PIEZO2: variants seen among roughly 807,000 people sequenced by gnomAD.
PIEZO2 encodes piezo type mechanosensitive ion channel component 2.
Under a neutral mutation model 337.3 loss-of-function variants are expected in PIEZO2, and 172 were observed. The observed-to-expected ratio is 0.51, with a 90% CI of 0.45 to 0.58. PIEZO2 has a LOEUF of 0.58. PIEZO2 is among the 20% of genes least tolerant of loss of function. PIEZO2 has a pLI of 0.00. For synonymous variants in PIEZO2, 1,251 were observed against 1,228.5 expected, an observed-to-expected ratio of 1.02 and a Z score of -0.38; for missense variants, 3,028 against 3,391.3, an observed-to-expected ratio of 0.89 and a Z score of 2.66.
intron 7 of PIEZO2, among the ~76,000 whole-genome samples, chr18:10,818,092 T>C (rs749175652): frequency 7.9e-5 from 12 of 152,046 alleles, no homozygotes; most frequent in Non-Finnish European, 1.6e-4. Flanking sequence ...TACAGATAAA[T>C]AGACTAAATA....
chr18:11,147,665 C>A (rs551925565), intron 1 of PIEZO2, among the ~76,000 whole-genome samples: 1 of 152,194 alleles, frequency 6.6e-6, no homozygotes, highest in Non-Finnish European at 1.5e-5. Context: ...GGCATTCTTA[C>A]GAGAGGAATT....
Position 10,713,580 on chromosome 18 carries a change from C to T in PIEZO2, c.5423+1184G>A, listed in dbSNP as rs575990070. Among the ~76,000 whole-genome samples, 1 of 152,204 alleles carries T rather than the reference C, an allele frequency of 6.6e-6. No homozygotes were observed. The highest frequency in any genetic ancestry group is 1.5e-5 in the Non-Finnish European group (1 of 68,036). On this transcript the variant is annotated intron_variant, in intron 39 of 55. Coordinates refer to ENST00000674853, the MANE Select transcript of PIEZO2 (RefSeq NM_001378183.1). This position sits in a 1 kb window ranked among gnomAD's most constrained non-coding sequence, Gnocchi z 4.5. The stretch of plus-strand genomic sequence containing the variant: ...CTGACCAGCAGTCAGAGACACCAGT[C>T]TCTACTGTCCTCCCCAGGGCAAGCA...
At position 11,035,948 on chromosome 18, in the gene PIEZO2, C is replaced by T. The variant is rs1354728260; in HGVS notation, c.160+30179G>A. Among the ~76,000 whole-genome samples the T allele has an allele frequency of 6.6e-6, 1 of 152,212 alleles. No homozygotes were observed. The highest frequency in any genetic ancestry group is 1.5e-5 in the Non-Finnish European group (1 of 68,046). On this transcript the variant is annotated intron_variant, in intron 2 of 55. Coordinates refer to ENST00000674853, the MANE Select transcript of PIEZO2 (RefSeq NM_001378183.1). The surrounding 1 kb of genome is among the most constrained non-coding windows in gnomAD (Gnocchi z 4.3). ...TGTTTGCTTGTTAGCAAGAAGTCCA[C>T]ACCTGGAACATGCTTGAAGCACAGG...
intron 7 of PIEZO2, among the ~76,000 whole-genome samples, chr18:10,840,695 C>A (rs1294810664): frequency 6.6e-6 from 1 of 152,008 alleles, no homozygotes; most frequent in East Asian, 1.9e-4. Flanking sequence ...GAAATTGAAT[C>A]AATTAAGTCA....
chr18:10,948,813 G>A (rs553929954), intron 3 of PIEZO2, among the ~76,000 whole-genome samples: 4 of 152,158 alleles, frequency 2.6e-5, no homozygotes, highest in Admixed American at 1.3e-4. Context: ...TTTATAATGT[G>A]TGTATGTTAC....
rs1000242661 is a variant in PIEZO2 at position 10,899,114 on chromosome 18, G to A, written c.329+12072C>T. Among the ~76,000 whole-genome samples the A allele has an allele frequency of 2.0e-5, 3 of 152,166 alleles. No homozygotes were observed. Among genetic ancestry groups the A allele is most frequent in the Non-Finnish European group, 4.4e-5 (3 of 68,026 alleles). ...GCAGAGACTAGCAAAGGGAAGCATGGGCTCTATAGTTAAAAAGACCTAACT... is the reference window on the plus strand; with the variant it reads ...GCAGAGACTAGCAAAGGGAAGCATGAGCTCTATAGTTAAAAAGACCTAACT... On this transcript the variant is annotated intron_variant, in intron 4 of 55. Transcript: ENST00000674853. This position sits in a 1 kb window ranked among gnomAD's most constrained non-coding sequence, Gnocchi z 4.6.
At chr18:10,914,267 TTA>T (rs1226409783) in intron 3 of PIEZO2, among the ~76,000 whole-genome samples, 2 of 133,544 alleles carry the variant, frequency 1.5e-5, no homozygotes, top group African/African-American at 2.8e-5. Context: ...TTAAAACATG[TTA>T]TTTTTTTTTT....
intron 7 of PIEZO2, among the ~76,000 whole-genome samples, chr18:10,851,270 A>T (rs2041544355): frequency 6.6e-6 from 1 of 151,254 alleles, no homozygotes; most frequent in African/African-American, 2.4e-5. Flanking sequence ...TAAATATGCT[A>T]ATTTCCATGT....
intron 36 of PIEZO2, among the ~76,000 whole-genome samples, chr18:10,718,542 G>A (rs2036110478): frequency 6.6e-6 from 1 of 152,156 alleles, no homozygotes; most frequent in African/African-American, 2.4e-5. Flanking sequence ...GTTCAGAATG[G>A]CTTTTATATT....
chr18:10,742,813 T>C (rs2037279175), intron 31 of PIEZO2, among the ~76,000 whole-genome samples, 198 bp from the exon 32 acceptor site: 1 of 152,060 alleles, frequency 6.6e-6, no homozygotes, highest in African/African-American at 2.4e-5. Flanking sequence ...TGTGTGTGTG[T>C]GTGTGTGTGT....
chr18:10,739,302 A>G (rs1052070851), intron 33 of PIEZO2: 5 of 152,260 alleles, frequency 3.3e-5, no homozygotes, highest in Non-Finnish European at 5.9e-5. Flanking sequence ...CATGTAGTTT[A>G]ACATCAATCT....
intron 1 of PIEZO2, among the ~76,000 whole-genome samples, chr18:11,106,123 T>C (rs2039552025): frequency 6.6e-6 from 1 of 152,160 alleles, no homozygotes; most frequent in Non-Finnish European, 1.5e-5. Flanking sequence ...CATCTGGCTC[T>C]GTCGCCCAGG....
intron 16 of PIEZO2, among the ~76,000 whole-genome samples, chr18:10,785,458 A>G (rs2039185718): frequency 1.3e-5 from 2 of 152,142 alleles, no homozygotes; most frequent in African/African-American, 4.8e-5. Flanking sequence ...CTCGTGCCCA[A>G]ATTGCTACTG....
At chr18:10,933,207 G>T (rs1039466597) in intron 3 of PIEZO2, among the ~76,000 whole-genome samples, 4 of 151,020 alleles carry the variant, frequency 2.6e-5, no homozygotes, top group East Asian at 3.9e-4. Flanking sequence ...CAATTTAATC[G>T]GTTAAAAAAA....
At chr18:10,906,766 G>A (rs762658252) in intron 4 of PIEZO2, among the ~76,000 whole-genome samples, 12 of 152,034 alleles carry the variant, frequency 7.9e-5, no homozygotes, top group Non-Finnish European at 1.6e-4. Flanking sequence ...TCACCATGTT[G>A]CCCAGGCTGG....
chr18:10,742,667 T>G, intron 31 of PIEZO2, 52 bp from the exon 32 acceptor site: 1 of 1,528,244 alleles, frequency 6.5e-7, no homozygotes, highest in African/African-American at 1.4e-5. Context: ...ATTGTTCTCA[T>G]GTGGTCAGTA....
intron 5 of PIEZO2, among the ~76,000 whole-genome samples, chr18:10,858,937 A>G (rs942956190): frequency 2.6e-5 from 4 of 152,226 alleles, no homozygotes; most frequent in African/African-American, 9.6e-5. Flanking sequence ...CTCAATCAAT[A>G]AGATTTTTCT....
intron 14 of PIEZO2, among the ~76,000 whole-genome samples, chr18:10,789,698 A>G (rs931226770): frequency 3.3e-5 from 5 of 152,254 alleles, no homozygotes; most frequent in African/African-American, 1.2e-4. Context: ...CTAAATGACT[A>G]TATCAATTTC....
intron 1 of PIEZO2, among the ~76,000 whole-genome samples, chr18:11,137,146 G>A (rs569135848): frequency 1.3e-5 from 2 of 152,206 alleles, no homozygotes; most frequent in Non-Finnish European, 2.9e-5. Flanking sequence ...GAGGATCATC[G>A]AAATATTAGA....
Sources: allele counts gnomAD v4.1 joint callset (sites outside exome capture counted in the v4.1 genomes callset), GRCh38; gene constraint gnomAD v4.1.1; non-coding constraint Gnocchi (gnomAD v3.1); transcripts MANE v1.5; gene names NCBI Gene and HGNC (gene_info 2026-07-23, HGNC 2026-07-21).